KHDRBS3: variants seen among roughly 807,000 people sequenced by gnomAD.
The protein encoded by KHDRBS3 is KH domain-containing, RNA-binding, signal transduction-associated protein 3.
Under a neutral mutation model 45.6 loss-of-function variants are expected in KHDRBS3, and 23 were observed. That is an observed-to-expected ratio of 0.50 (90% CI 0.36 to 0.72). The LOEUF is 0.72. Among genes scored for constraint, KHDRBS3 ranks in the 30% least tolerant of loss-of-function variants. KHDRBS3 has a pLI of 0.00. For missense variants in KHDRBS3, 352 were observed against 424.8 expected, an observed-to-expected ratio of 0.83 and a Z score of 1.51; for synonymous variants, 162 against 156.5, an observed-to-expected ratio of 1.04 and a Z score of -0.26.
chr8:135,578,602 G>A lies in KHDRBS3; in HGVS notation c.612-3276G>A, dbSNP rs144176372. On this transcript the variant is annotated intron_variant, in intron 5 of 8. Coordinates refer to ENST00000355849, the MANE Select transcript of KHDRBS3 (RefSeq NM_006558.3). Reference sequence around the variant, plus strand: ...ATCTGTCTTTTCTTTCGCAAATACCGCGCTGTCTTGATTGTAGCTTTATAA... The same window carrying A: ...ATCTGTCTTTTCTTTCGCAAATACCACGCTGTCTTGATTGTAGCTTTATAA... Among the ~76,000 whole-genome samples, 58 of 152,150 alleles carry A rather than the reference G, an allele frequency of 3.8e-4. 1 individual carries two copies. Among genetic ancestry groups the A allele is most frequent in the African/African-American group, 9.6e-4 (40 of 41,528 alleles).
chr8:135,465,411 T>G (rs1255377781), intron 1 of KHDRBS3, among the ~76,000 whole-genome samples: 1 of 152,360 alleles, frequency 6.6e-6, no homozygotes, highest in East Asian at 1.9e-4. Context: ...TAATACAAAT[T>G]CAATACATAA....
At chr8:135,619,416 GAA>G (rs199626464) in intron 7 of KHDRBS3, among the ~76,000 whole-genome samples, 1 of 146,312 alleles carries the variant, frequency 6.8e-6, no homozygotes, top group Non-Finnish European at 1.5e-5. Context: ...TTACATAGAG[GAA>G]AAAAAAAAAC....
intron 5 of KHDRBS3, among the ~76,000 whole-genome samples, chr8:135,572,580 C>T (rs1212612774): frequency 6.6e-6 from 1 of 152,206 alleles, no homozygotes; most frequent in Non-Finnish European, 1.5e-5. Flanking sequence ...CTCAGCTCAT[C>T]AAAAGATGGT....
chr8:135,537,427 T>C (rs941608604), intron 2 of KHDRBS3, among the ~76,000 whole-genome samples: 64 of 152,240 alleles, frequency 4.2e-4, no homozygotes, highest in African/African-American at 1.4e-3. Flanking sequence ...GTCACAATTA[T>C]AGTTTAGATC....
intron 1 of KHDRBS3, among the ~76,000 whole-genome samples, chr8:135,518,199 G>A (rs535745569): frequency 4.3e-4 from 66 of 152,098 alleles, no homozygotes; most frequent in African/African-American, 1.6e-3. Context: ...TTGAGACGGG[G>A]TCTTGCTCTG....
intron 1 of KHDRBS3, among the ~76,000 whole-genome samples, chr8:135,499,796 A>G (rs1823642352): frequency 6.6e-6 from 1 of 152,066 alleles, no homozygotes. Flanking sequence ...GATCAAAGAG[A>G]CTTTTTATAT....
intron 1 of KHDRBS3, 58 bp downstream of exon 1, chr8:135,458,012 G>C: frequency 1.3e-6 from 2 of 1,502,750 alleles, no homozygotes; most frequent in South Asian, 1.3e-5. Flanking sequence ...GTGGAAACGC[G>C]GGGGCCCAGG....
intron 1 of KHDRBS3, among the ~76,000 whole-genome samples, chr8:135,475,561 C>T (rs932575896): frequency 2.0e-5 from 3 of 152,042 alleles, no homozygotes; most frequent in Admixed American, 6.5e-5. Flanking sequence ...ATCCACCCTC[C>T]TCAGGCTCCC....
chr8:135,615,929 C>T (rs1312575684), intron 7 of KHDRBS3, among the ~76,000 whole-genome samples: 1 of 152,144 alleles, frequency 6.6e-6, no homozygotes, highest in Non-Finnish European at 1.5e-5. Flanking sequence ...GAGCTTCTCA[C>T]TAAGTTACAG....
intron 7 of KHDRBS3, among the ~76,000 whole-genome samples, chr8:135,634,902 C>T (rs1168923725): frequency 6.6e-6 from 1 of 152,174 alleles, no homozygotes; most frequent in Non-Finnish European, 1.5e-5. Flanking sequence ...GCTCACTCTG[C>T]CGGCCTCCTG....
chr8:135,515,400 AAAG>A (rs1824537311), intron 1 of KHDRBS3, among the ~76,000 whole-genome samples: 1 of 115,492 alleles, frequency 8.7e-6, no homozygotes. Context: ...AAAAAAAAAA[AAAG>A]ATTCCCTGTG....
intron 2 of KHDRBS3, 57 bp from the exon 3 acceptor site, chr8:135,542,597 A>G (rs1283773738): frequency 1.7e-5 from 18 of 1,089,202 alleles, no homozygotes; most frequent in Non-Finnish European, 2.4e-5. Context: ...AACATTCAAG[A>G]TTAAGAAATT....
intron 1 of KHDRBS3, among the ~76,000 whole-genome samples, chr8:135,496,618 T>A (rs554111413): frequency 6.6e-6 from 1 of 152,312 alleles, no homozygotes; most frequent in Admixed American, 6.5e-5. Flanking sequence ...GGAGGCTACT[T>A]AATAGGCAGG....
chr8:135,618,549 G>A (rs780528380), intron 7 of KHDRBS3, among the ~76,000 whole-genome samples: 116 of 152,158 alleles, frequency 7.6e-4, no homozygotes, highest in Non-Finnish European at 2.1e-4. Flanking sequence ...ATGTATTATG[G>A]TTAGATTTTT....
At chr8:135,483,137 A>G (rs1038004674) in intron 1 of KHDRBS3, among the ~76,000 whole-genome samples, 1 of 152,184 alleles carries the variant, frequency 6.6e-6, no homozygotes, top group African/African-American at 2.4e-5. Flanking sequence ...AGAAAGGTCA[A>G]AACTGAAGGG....
At chr8:135,478,313 G>A (rs1822396729) in intron 1 of KHDRBS3, among the ~76,000 whole-genome samples, 1 of 152,158 alleles carries the variant, frequency 6.6e-6, no homozygotes, top group Non-Finnish European at 1.5e-5. Context: ...GTAATAATTT[G>A]TTACAGTGAC....
chr8:135,549,749 T>G (rs1367268831), intron 4 of KHDRBS3: 4 of 152,166 alleles, frequency 2.6e-5, no homozygotes. Flanking sequence ...CCCAGGTTAG[T>G]TTGGTGGATT....
intron 1 of KHDRBS3, among the ~76,000 whole-genome samples, chr8:135,483,488 C>G (rs1282537232): frequency 1.3e-5 from 2 of 152,164 alleles, no homozygotes; most frequent in Non-Finnish European, 2.9e-5. Context: ...AGGGAATTTT[C>G]TGCCCTTCGG....
intron 1 of KHDRBS3, among the ~76,000 whole-genome samples, chr8:135,501,155 C>T (rs1017257441): frequency 6.6e-6 from 1 of 152,272 alleles, no homozygotes; most frequent in East Asian, 1.9e-4. Flanking sequence ...TGCCTTTAAA[C>T]CATAGCTAGA....
Sources: allele counts gnomAD v4.1 joint callset (sites outside exome capture counted in the v4.1 genomes callset), GRCh38; gene constraint gnomAD v4.1.1; transcripts MANE v1.5; gene names NCBI Gene and HGNC (gene_info 2026-07-23, HGNC 2026-07-21).